The following ASPM variants were observed in gnomAD, a reference collection of about 807,000 sequenced individuals.
The protein encoded by ASPM is assembly factor for spindle microtubules.
A neutral mutation model predicts 366.4 loss-of-function variants in ASPM; 256 were observed. That is an observed-to-expected ratio of 0.70 (90% confidence interval 0.63 to 0.77). The LOEUF is 0.77. ASPM is among the 30% of genes least tolerant of loss of function. The probability of loss-of-function intolerance (pLI) is 0.00; values close to 1 mark genes in which losing one functional copy is unlikely to be tolerated. For synonymous variants in ASPM, 1,414 were observed against 1,342.9 expected (o/e 1.05, Z -1.16); for missense variants, 4,146 against 4,090.4 (o/e 1.01, Z -0.37).
At chr1:197,139,672 TCAA>T in intron 4 of ASPM, 92 bp downstream of exon 4, 1 of 993,208 alleles carries the variant, frequency 1.0e-6, no homozygotes, top group Non-Finnish European at 1.6e-6. Context: ...AGGCTGTTAT[TCAA>T]CAACAAAAAT....
chr1:197,097,547 G>A (rs1194935032), intron 18 of ASPM, among the ~76,000 whole-genome samples: 1 of 151,726 alleles, frequency 6.6e-6, no homozygotes, highest in African/African-American at 2.4e-5. Context: ...AAATTCAGTT[G>A]ATAATGCAAT....
intron 19 of ASPM, among the ~76,000 whole-genome samples, chr1:197,094,672 C>T (rs988628045): frequency 1.3e-5 from 2 of 151,638 alleles, no homozygotes; most frequent in Admixed American, 6.6e-5. Context: ...AGAGATATTT[C>T]GTAAACAGAA....
chr1:197,086,560 G>T (rs1656594696), intron 27 of ASPM, among the ~76,000 whole-genome samples: 1 of 152,136 alleles, frequency 6.6e-6, no homozygotes, highest in African/African-American at 2.4e-5. Flanking sequence ...CTTAGCCTTA[G>T]CTCTTAACTA....
In ASPM at chr1:197,143,491, T is replaced by C. The variant is rs767536421; in HGVS notation, c.761A>G (p.Glu254Gly). ...STTYSSLHAS[E>G]NRELLNVHSA... is the part of the protein sequence containing the mutation. ...GTGTACATTTAATAGTTCCCTATTT[T>C]CTGATGCATGAAGAGATGAGTAGGT... is the stretch of plus-strand genomic sequence containing the variant. The change falls in exon 3 of 28, where the codon GAA (glutamate) becomes GGA (glycine). Residue 254 changes from glutamate (E) to glycine (G), a missense_variant. Transcript: ENST00000367409. 2.6e-5 allele frequency: 42 copies of C among 1,613,968 alleles called. No individual in the cohort carries two copies. Among genetic ancestry groups the C allele is most frequent in the African/African-American group, 4.0e-5 (3 of 74,928 alleles).
rs200800956 is a variant in ASPM at position 197,102,455 on chromosome 1, C to T, written c.6796G>A (p.Ala2266Thr). The T allele has an allele frequency of 6.1e-5, 99 of 1,612,296 alleles. No homozygotes were observed. The highest frequency in any genetic ancestry group is 2.7e-4 in the South Asian group (25 of 91,044). The change falls in exon 18 of 28, where the codon GCA becomes ACA. Residue 2266 changes from alanine (A) to threonine (T), a missense_variant. Ala to Thr is a moderately conservative substitution (Grantham distance 58, BLOSUM62 0). Coordinates refer to ENST00000367409, the MANE Select transcript of ASPM (RefSeq NM_018136.5). The part of the protein sequence containing the change: ...RRHLKMMHIA[A>T]TLIQRRFRTL... Reference sequence around the variant, plus strand: ...CTAAATCTCCTCTGAATGAGAGTTGCGGCTATATGCATCATTTTTAAATGT... The same window carrying T: ...CTAAATCTCCTCTGAATGAGAGTTGTGGCTATATGCATCATTTTTAAATGT...
rs1362083491 is a variant in ASPM, at chr1:197,143,689, ACT to A, written c.561_562del (p.Arg187SerfsTer2). 1 of 1,613,864 alleles carries A rather than the reference ACT, an allele frequency of 6.2e-7. No homozygotes were observed. The highest frequency in any genetic ancestry group is 8.5e-7 in the Non-Finnish European group (1 of 1,179,884). On this transcript the variant is annotated frameshift_variant, in exon 3 of 28. Coordinates refer to ENST00000367409, the MANE Select transcript of ASPM (RefSeq NM_018136.5). LOFTEE classifies it high-confidence loss of function. ...TTCACAAGCTTGTAGTGGGCTCCTAACTCTGTCAACTTTTTGGGAAACACTAA... is the reference window on the plus strand; with the variant it reads ...TTCACAAGCTTGTAGTGGGCTCCTAACTGTCAACTTTTTGGGAAACACTAA...
intron 4 of ASPM, chr1:197,139,139 T>C (rs1444273285): frequency 2.3e-6 from 2 of 877,476 alleles, no homozygotes; most frequent in South Asian, 1.3e-5. Flanking sequence ...GTTTTTCTTT[T>C]AGATTTTCCA....
chr1:197,102,405 G>T lies in ASPM; in HGVS notation c.6846C>A (p.Phe2282Leu). The change falls in exon 18 of 28, where the codon TTC becomes TTA. Residue 2282 changes from phenylalanine (F) to leucine (L), a missense_variant. This residue lies in a region of ASPM where 3,624 missense variants were observed against 3,591.7 expected (regional missense o/e 1.01). Transcript: ENST00000367409. ...RFRTLMMRRR[F>L]LSLKKTAILI... ...AAATAGCAGTTTTCTTGAGAGAGAG[G>T]AATCTTCTTCTCATCATTAGAGTTC... 1 of 1,612,606 alleles carries T rather than the reference G, an allele frequency of 6.2e-7. No homozygotes were observed. The highest frequency in any genetic ancestry group is 2.2e-5 in the East Asian group (1 of 44,822).
chr1:197,117,846 T>C lies in ASPM; in HGVS notation c.4008A>G (p.Leu1336=), dbSNP rs181201233. ...TTTCCAGCTTTTCCTTTTTTAACAT[T>C]AATAATTTTCTCTGTGCTAAGACTC... The part of the protein sequence containing the change: ...WRRVLAQRKL[L]MLKKEKLEKV... The change falls in exon 17 of 28, where the codon TTA becomes TTG. Residue 1336 remains leucine, a synonymous_variant. Transcript: ENST00000367409. The C allele has an allele frequency of 8.1e-6, 13 of 1,613,200 alleles. No homozygotes were observed. The Admixed American group carries it at 1.5e-4, about 19-fold the overall frequency.
At position 197,146,421 on chromosome 1, in the gene ASPM, A is replaced by G. The variant is rs886045779; in HGVS notation, c.17T>C (p.Val6Ala). MANRR[V>A]GRGCWEVSPT... ...GCTCACTTCCCAGCAGCCTCGCCCC[A>G]CTCGCCGGTTCGCCATGGCAGATTC... is the stretch of plus-strand genomic sequence containing the variant. Residue 6 changes from valine to alanine, a missense_variant, in exon 1 of 28, where the codon GTG becomes GCG. This residue lies in a region of ASPM where 512 missense variants were observed against 471.7 expected (regional missense o/e 1.09). Transcript: ENST00000367409. 1.9e-6 allele frequency: 3 copies of G among 1,607,264 alleles called. No homozygotes were observed. Among genetic ancestry groups the G allele is most frequent in the East Asian group, 4.5e-5 (2 of 44,722 alleles).
At chr1:197,091,482 T>TA (rs1476088174) in intron 22 of ASPM, among the ~76,000 whole-genome samples, 1 of 151,652 alleles carries the variant, frequency 6.6e-6, no homozygotes, top group African/African-American at 2.4e-5. Flanking sequence ...AAAAAGATGT[T>TA]AAAAAAAAGT....
chr1:197,091,934 C>T lies in ASPM; in HGVS notation c.9417G>A (p.Lys3139=). The T allele has an allele frequency of 6.2e-7, 1 of 1,610,780 alleles. No individual in the cohort carries two copies. The highest frequency in any genetic ancestry group is 1.1e-5 in the South Asian group (1 of 90,968). The change falls in exon 22 of 28, where the codon AAG becomes AAA. Residue 3139 remains lysine (K), a synonymous_variant. Coordinates refer to ENST00000367409, the MANE Select transcript of ASPM (RefSeq NM_018136.5). The part of the protein sequence containing the change: ...KLYLAVKNAN[K]QVNSVICIQR... ...GAATACAGATGACTGAATTAACCTG[C>T]TTGTTAGCATTCTTCACAGCCAGGT...
chr1:197,085,423 C>T (rs575678209), intron 27 of ASPM, among the ~76,000 whole-genome samples: 14 of 152,062 alleles, frequency 9.2e-5, no homozygotes, highest in African/African-American at 2.9e-4. Context: ...AGTATCAAAC[C>T]GAGGGAGTTC....
chr1:197,142,076 G>T (rs749461577), intron 3 of ASPM, among the ~76,000 whole-genome samples: 30 of 151,998 alleles, frequency 2.0e-4, no homozygotes, highest in Non-Finnish European at 1.8e-4. Flanking sequence ...TCTTGTAGGA[G>T]ATTAAAATAG....
rs1253947559 is a variant in ASPM at position 197,122,206 on chromosome 1, C to T, written c.3694G>A (p.Ala1232Thr). 1 of 1,612,674 alleles carries T rather than the reference C, an allele frequency of 6.2e-7. No homozygotes were observed. Among genetic ancestry groups the T allele is most frequent in the Admixed American group, 1.7e-5 (1 of 59,928 alleles). ...SAVRDLGGIP[A>T]MINHSDMSNT... Reference sequence around the variant, plus strand: ...GACATATCTGAATGATTAATCATAGCAGGTATTCCACCAAGGTCTCTAACT... The same window carrying T: ...GACATATCTGAATGATTAATCATAGTAGGTATTCCACCAAGGTCTCTAACT... The change falls in exon 15 of 28, where the codon GCT (alanine) becomes ACT (threonine). Residue 1232 changes from alanine to threonine, a missense_variant. Coordinates refer to ENST00000367409, the MANE Select transcript of ASPM (RefSeq NM_018136.5).
intron 17 of ASPM, among the ~76,000 whole-genome samples, chr1:197,114,780 G>A (rs140720972): frequency 0.014 from 2,156 of 152,060 alleles, 48 homozygotes; most frequent in African/African-American, 0.046. Flanking sequence ...ACGGAGTCTC[G>A]CTCTGTCACC....
At chr1:197,106,037 C>T (rs1557948875) in intron 17 of ASPM, among the ~76,000 whole-genome samples, 1 of 151,982 alleles carries the variant, frequency 6.6e-6, no homozygotes, top group Non-Finnish European at 1.5e-5. Context: ...CTACATCTTA[C>T]TTTTTCTCGC....
rs376344343 is a variant in ASPM, at chr1:197,143,213, T to C, written c.1039A>G (p.Asn347Asp). ...GATTCCAAATGCACAGGCTGTGAAT[T>C]ATCTTTCATAAACATATCTGATGAA... is the stretch of plus-strand genomic sequence containing the variant. Reference protein sequence around the residue: ...CLSSDMFMKDNSQPVHLESTI... With the variant: ...CLSSDMFMKDDSQPVHLESTI... The change falls in exon 3 of 28, where the codon AAT (asparagine) becomes GAT (aspartate). Residue 347 changes from asparagine (N) to aspartate (D), a missense_variant. This residue lies in a region of ASPM where 512 missense variants were observed against 471.7 expected (regional missense o/e 1.09). Transcript: ENST00000367409. 2.5e-5 allele frequency: 40 copies of C among 1,613,426 alleles called. No individual in the cohort carries two copies. Among genetic ancestry groups the C allele is most frequent in the Non-Finnish European group, 3.3e-5 (39 of 1,179,620 alleles).
chr1:197,143,763 T>C lies in ASPM; in HGVS notation c.489A>G (p.Thr163=), dbSNP rs372355541. 28 of 1,612,342 alleles carry C rather than the reference T, an allele frequency of 1.7e-5. 1 individual carries two copies. The highest frequency in any genetic ancestry group is 1.3e-4 in the East Asian group (6 of 44,884). The part of the protein sequence containing the change: ...TIKKKKISAS[T]SHNRRVSNIQ... ...TATTTGAAACCCTTCTGTTGTGACTTGTAGAGGCTGAAATTTTCTTCTTTT... is the reference window on the plus strand; with the variant it reads ...TATTTGAAACCCTTCTGTTGTGACTCGTAGAGGCTGAAATTTTCTTCTTTT... Residue 163 remains threonine, a synonymous_variant, in exon 3 of 28, where the codon ACA becomes ACG. Coordinates refer to ENST00000367409, the MANE Select transcript of ASPM (RefSeq NM_018136.5).
Sources: allele counts gnomAD v4.1 joint callset (sites outside exome capture counted in the v4.1 genomes callset), GRCh38; gene constraint gnomAD v4.1.1; regional missense constraint gnomAD v4.1.1; transcripts MANE v1.5; gene names NCBI Gene and HGNC (gene_info 2026-07-23, HGNC 2026-07-21).